Variants in SYNE1 observed in about 807,000 individuals in gnomAD.
SYNE1 encodes the protein nesprin-1.
Under a neutral mutation model 1,111.0 loss-of-function variants are expected in SYNE1, and 616 were observed. The ratio of observed to expected loss-of-function variants is 0.55; its 90% CI spans 0.52 to 0.59. SYNE1 has a LOEUF of 0.59. Among genes scored for constraint, SYNE1 ranks in the 20% least tolerant of loss-of-function variants. SYNE1 has a pLI of 0.00. For synonymous variants in SYNE1, 3,855 were observed against 3,825.8 expected (o/e 1.01, Z -0.28); for missense variants, 10,006 against 10,417.0 (o/e 0.96, Z 1.72).
In SYNE1 at chr6:152,376,312, C is replaced by T. The variant is rs2097281391; in HGVS notation, c.9324+69G>A. ...CAGTCCGCGGCCCAGGAGATGGGGA[C>T]CCTTGATTTAGAGGTTAACTTTAGT... On this transcript the variant is annotated intron_variant, in intron 58 of 145. Coordinates refer to ENST00000367255, the MANE Select transcript of SYNE1 (RefSeq NM_182961.4). The T allele has an allele frequency of 2.4e-5, 38 of 1,563,594 alleles. No homozygotes were observed. The South Asian group carries it at 4.3e-4, about 18-fold the overall frequency.
chr6:152,539,923 C>A, intron 4 of SYNE1, 37 bp downstream of exon 4: 1 of 1,607,238 alleles, frequency 6.2e-7, no homozygotes, highest in Admixed American at 1.7e-5. Flanking sequence ...ACTGGCTCAA[C>A]CTAAGTAAAC....
At chr6:152,346,764 C>G (rs1379802086) in intron 73 of SYNE1, among the ~76,000 whole-genome samples, 1 of 152,088 alleles carries the variant, frequency 6.6e-6, no homozygotes, top group African/African-American at 2.4e-5. Context: ...GAGCCGAGAT[C>G]GCGCCACTGC....
chr6:152,574,307 G>T (rs924971334), intron 3 of SYNE1, among the ~76,000 whole-genome samples: 7 of 151,106 alleles, frequency 4.6e-5, no homozygotes, highest in Admixed American at 2.0e-4. Flanking sequence ...ATATATATTT[G>T]TTGTTTTCGT....
intron 107 of SYNE1, among the ~76,000 whole-genome samples, chr6:152,241,500 C>CTGTGTGTGTGTGTGTGTGTGTGTG (rs1231628952): frequency 4.9e-3 from 362 of 74,134 alleles, no homozygotes; most frequent in Non-Finnish European, 5.9e-3. Flanking sequence ...AATGCAAGAG[C>CTGTGTGTGTGTGTGTGTGTGTGTG]TGTGTGTGTG....
At position 152,381,116 on chromosome 6, in the gene SYNE1, G is replaced by C. The variant is rs2097406224; in HGVS notation, c.8899C>G (p.Gln2967Glu). Residue 2967 changes from glutamine to glutamate, a missense_variant, in exon 56 of 146, where the codon CAG becomes GAG. Around this residue, in one of 7 missense-constraint regions of SYNE1, gnomAD observed 4,955 missense variants for 5,017.2 expected, o/e 0.99. Coordinates refer to ENST00000367255, the MANE Select transcript of SYNE1 (RefSeq NM_182961.4). ...AGGGCACTGAACTGTTCCAGGGCCT[G>C]CTCCAGTTGAGCCACTTGGCCTGAG... ...EFSGQVAQLE[Q>E]ALEQFSALLK... The C allele has an allele frequency of 6.2e-7, 1 of 1,614,188 alleles. No homozygotes were observed. Among genetic ancestry groups the C allele is most frequent in the Non-Finnish European group, 8.5e-7 (1 of 1,180,032 alleles).
intron 14 of SYNE1, among the ~76,000 whole-genome samples, chr6:152,482,623 G>C (rs920528607): frequency 2.6e-5 from 4 of 151,970 alleles, no homozygotes; most frequent in African/African-American, 9.7e-5. Context: ...AAATGACTAA[G>C]AGACCATCAA....
At chr6:152,577,887 C>G (rs376180524) in intron 3 of SYNE1, among the ~76,000 whole-genome samples, 5 of 151,998 alleles carry the variant, frequency 3.3e-5, no homozygotes, top group African/African-American at 9.7e-5. Context: ...ATCCAACAGG[C>G]CTTACTTAGA....
Position 152,401,121 on chromosome 6 carries a change from G to C in SYNE1, c.7029+17C>G. On this transcript the variant is annotated intron_variant, in intron 47 of 145. Transcript: ENST00000367255. ...CACCATTTGAATGGAAGCACTTAAT[G>C]ATAGTTTATTACCTACCTTGACTTT... 2 of 1,611,312 alleles carry C rather than the reference G, an allele frequency of 1.2e-6. No homozygotes were observed. The highest frequency in any genetic ancestry group is 1.7e-6 in the Non-Finnish European group (2 of 1,177,764).
At position 152,415,694 on chromosome 6, in the gene SYNE1, A is replaced by G. The variant is rs139930627; in HGVS notation, c.6050+693T>C. On this transcript the variant is annotated intron_variant, in intron 41 of 145. Transcript: ENST00000367255. Reference sequence around the variant, plus strand: ...TTTAAAAACAGATAATAAGATCTACATATTCTTTGCTCATAAACTGACTTT... The same window carrying G: ...TTTAAAAACAGATAATAAGATCTACGTATTCTTTGCTCATAAACTGACTTT... Among the ~76,000 whole-genome samples the G allele has an allele frequency of 1.7e-3, 254 of 150,272 alleles. 1 individual carries two copies. The highest frequency in any genetic ancestry group is 6.0e-3 in the African/African-American group (244 of 40,726).
At chr6:152,490,496 T>C (rs2098964536) in intron 11 of SYNE1, among the ~76,000 whole-genome samples, 1 of 152,156 alleles carries the variant, frequency 6.6e-6, no homozygotes, top group South Asian at 2.1e-4. Context: ...TCAATTGATC[T>C]TGTGAAATTC....
chr6:152,496,027 A>G (rs947169709), intron 11 of SYNE1, among the ~76,000 whole-genome samples: 28 of 152,172 alleles, frequency 1.8e-4, no homozygotes, highest in South Asian at 2.1e-4. Context: ...TTCACTTTGC[A>G]TTTCCAGTGT....
At chr6:152,201,462 G>A (rs1281464044) in intron 127 of SYNE1, among the ~76,000 whole-genome samples, 1 of 151,274 alleles carries the variant, frequency 6.6e-6, no homozygotes, top group East Asian at 1.9e-4. Context: ...AGATTTTCCA[G>A]GCTGTTGATC....
intron 5 of SYNE1, among the ~76,000 whole-genome samples, chr6:152,525,301 C>G (rs559592449): frequency 6.6e-6 from 1 of 152,046 alleles, no homozygotes; most frequent in Non-Finnish European, 1.5e-5. Flanking sequence ...TGCCAAGATA[C>G]AAGTGATAAA....
Position 152,444,382 on chromosome 6 carries a change from A to G in SYNE1, c.3837+29T>C, listed in dbSNP as rs374083958. 127 of 1,611,576 alleles carry G rather than the reference A, an allele frequency of 7.9e-5. No homozygotes were observed. In the African/African-American group the frequency reaches 1.6e-3, roughly 20 times the overall value. ...TTCAGTAGCAAATCAACTTTACATA[A>G]TCTTGTTGGAAGAAAGAGGCATTTT... is the stretch of plus-strand genomic sequence containing the variant. On this transcript the variant is annotated intron_variant, in intron 30 of 145. Transcript: ENST00000367255.
At chr6:152,323,851 A>G in intron 81 of SYNE1, 114 bp from the exon 82 acceptor site, 1 of 1,256,350 alleles carries the variant, frequency 8.0e-7, no homozygotes, top group South Asian at 1.3e-5. Flanking sequence ...ATGATGATAT[A>G]AATTCCACAT....
At chr6:152,467,214 T>C (rs2098775303) in intron 16 of SYNE1, among the ~76,000 whole-genome samples, 1 of 152,122 alleles carries the variant, frequency 6.6e-6, no homozygotes, top group Non-Finnish European at 1.5e-5. Context: ...CCATGATGAA[T>C]ACTACATTCA....
chr6:152,145,716 T>A, intron 137 of SYNE1: 1 of 682,954 alleles, frequency 1.5e-6, no homozygotes, highest in Non-Finnish European at 2.6e-6. Flanking sequence ...AAAGCTTTCC[T>A]GAAATGAATC....
intron 127 of SYNE1, among the ~76,000 whole-genome samples, chr6:152,191,556 T>C (rs926303881): frequency 3.3e-5 from 5 of 152,174 alleles, no homozygotes; most frequent in Non-Finnish European, 7.3e-5. Context: ...CCCAATTTAT[T>C]GGCATATAGT....
rs1398576130 is a variant in SYNE1, at chr6:152,331,519, G to T, written c.13166C>A (p.Ala4389Asp). The change falls in exon 78 of 146, where the codon GCC (alanine) becomes GAC (aspartate). Residue 4389 changes from alanine to aspartate, a missense_variant. This residue lies in a region of SYNE1 where 4,955 missense variants were observed against 5,017.2 expected (regional missense o/e 0.99). Transcript: ENST00000367255. ...MAQNLLMDHL[A>D]ICSELEAKQM... The stretch of plus-strand genomic sequence containing the variant: ...CTTGGCCTCCAGTTCACTGCAGATG[G>T]CCAGGTGATCCATGAGAAGGTTCTG... 1 of 1,614,080 alleles carries T rather than the reference G, an allele frequency of 6.2e-7. No homozygotes were observed. Among genetic ancestry groups the T allele is most frequent in the South Asian group, 1.1e-5 (1 of 91,072 alleles).
Sources: allele counts gnomAD v4.1 joint callset (sites outside exome capture counted in the v4.1 genomes callset), GRCh38; gene constraint gnomAD v4.1.1; regional missense constraint gnomAD v4.1.1; transcripts MANE v1.5; gene names NCBI Gene and HGNC (gene_info 2026-07-23, HGNC 2026-07-21).